Variants in NRG1 observed in about 807,000 individuals in gnomAD.
The protein encoded by NRG1 is neuregulin 1, also known as pro-neuregulin-1, membrane-bound isoform.
In NRG1, 18 loss-of-function variants were observed where a neutral mutation model predicts 63.8. The ratio of observed to expected loss-of-function variants is 0.28; its 90% CI spans 0.19 to 0.42. The LOEUF is 0.42. Among genes scored for constraint, NRG1 ranks in the 10% least tolerant of loss-of-function variants. NRG1 has a pLI of 1.00. For missense variants in NRG1, 762 were observed against 814.7 expected, an observed-to-expected ratio of 0.94 and a Z score of 0.79; for synonymous variants, 302 against 301.3, an observed-to-expected ratio of 1.00 and a Z score of -0.02.
At chr8:32,191,300 G>A (rs970716972) in intron 1 of NRG1, among the ~76,000 whole-genome samples, 7 of 152,000 alleles carry the variant, frequency 4.6e-5, no homozygotes, top group South Asian at 2.1e-4. Context: ...GGCCAGGCTC[G>A]AACTCCTAAC....
At chr8:31,958,332 T>C (rs1225547704) in intron 1 of NRG1, among the ~76,000 whole-genome samples, 3 of 152,164 alleles carry the variant, frequency 2.0e-5, no homozygotes, top group Admixed American at 2.0e-4. Context: ...AATAATCAAT[T>C]TGGGTACCAT....
intron 6 of NRG1, among the ~76,000 whole-genome samples, chr8:32,737,965 A>G (rs1825504572): frequency 1.3e-5 from 2 of 151,874 alleles, no homozygotes; most frequent in Non-Finnish European, 2.9e-5. Context: ...TAGCCACCAC[A>G]CCTGGCCTGA....
At chr8:32,382,085 C>T (rs1203736679) in intron 1 of NRG1, among the ~76,000 whole-genome samples, 3 of 152,024 alleles carry the variant, frequency 2.0e-5, no homozygotes, top group South Asian at 4.2e-4. Flanking sequence ...TAGAAGATAC[C>T]ATTCTAGAAG....
At chr8:32,303,366 G>GA (rs1251155910) in intron 1 of NRG1, among the ~76,000 whole-genome samples, 2 of 151,718 alleles carry the variant, frequency 1.3e-5, no homozygotes, top group Non-Finnish European at 2.9e-5. Context: ...AAAAAACACA[G>GA]AAAAAAAGAG....
chr8:31,977,871 G>A (rs1196564652), intron 1 of NRG1, among the ~76,000 whole-genome samples: 1 of 151,900 alleles, frequency 6.6e-6, no homozygotes, highest in Non-Finnish European at 1.5e-5. Flanking sequence ...AAATTCATAA[G>A]TCATTTGGAA....
intron 1 of NRG1, among the ~76,000 whole-genome samples, chr8:31,994,746 C>T (rs750774824): frequency 1.1e-4 from 16 of 142,912 alleles, no homozygotes; most frequent in Non-Finnish European, 2.1e-4. Context: ...TATGCTTTTA[C>T]ACAGAACCCT....
intron 1 of NRG1, among the ~76,000 whole-genome samples, chr8:31,866,170 G>T (rs573711516): frequency 6.6e-6 from 1 of 152,280 alleles, no homozygotes; most frequent in East Asian, 1.9e-4. Flanking sequence ...GGCAACTCTA[G>T]TTCTATAGGT....
intron 1 of NRG1, among the ~76,000 whole-genome samples, chr8:32,090,475 C>T (rs1472262088): frequency 6.6e-6 from 1 of 152,068 alleles, no homozygotes; most frequent in Non-Finnish European, 1.5e-5. Context: ...TGCATGCCAT[C>T]AGACCCAGCT....
chr8:32,363,358 C>G (rs1489679307), intron 1 of NRG1, among the ~76,000 whole-genome samples: 1 of 152,146 alleles, frequency 6.6e-6, no homozygotes, highest in Non-Finnish European at 1.5e-5. Flanking sequence ...ATGCATCAGT[C>G]AGTACACAGA....
intron 1 of NRG1, among the ~76,000 whole-genome samples, chr8:31,863,835 A>G (rs891642340): frequency 1.3e-5 from 2 of 152,132 alleles, no homozygotes; most frequent in African/African-American, 4.8e-5. Context: ...TAGATATTAT[A>G]CTGGGCGCTC....
intron 1 of NRG1, among the ~76,000 whole-genome samples, chr8:32,536,960 C>T (rs1483766127): frequency 1.4e-4 from 17 of 124,348 alleles, no homozygotes; most frequent in African/African-American, 4.6e-4. Context: ...TTCTGTTTGT[C>T]GGCCAGGTGC....
chr8:31,993,923 A>G (rs1038581028), intron 1 of NRG1, among the ~76,000 whole-genome samples: 2 of 152,150 alleles, frequency 1.3e-5, no homozygotes, highest in South Asian at 4.1e-4. Flanking sequence ...AAAACAAGAG[A>G]GAATTGTGAG....
At chr8:32,393,928 A>G (rs1812107038) in intron 1 of NRG1, among the ~76,000 whole-genome samples, 1 of 152,186 alleles carries the variant, frequency 6.6e-6, no homozygotes, top group African/African-American at 2.4e-5. Context: ...AGTGTTAAAT[A>G]TGATATGTCA....
chr8:31,890,363 C>T (rs142511105), intron 1 of NRG1, among the ~76,000 whole-genome samples: 169 of 152,074 alleles, frequency 1.1e-3, no homozygotes, highest in African/African-American at 3.6e-3. Flanking sequence ...AAATAACCCA[C>T]GGAATTTTAA....
chr8:31,659,530 C>T (rs1805764304), intron 1 of NRG1, among the ~76,000 whole-genome samples: 1 of 151,986 alleles, frequency 6.6e-6, no homozygotes, highest in East Asian at 1.9e-4. Context: ...TGAACCCGAC[C>T]CTCAGGAGCA....
intron 1 of NRG1, among the ~76,000 whole-genome samples, chr8:31,791,175 C>G (rs562018784): frequency 1.3e-5 from 2 of 148,494 alleles, no homozygotes; most frequent in Non-Finnish European, 3.0e-5. Context: ...CATCACTGCA[C>G]TCCAGCTGGG....
intron 1 of NRG1, among the ~76,000 whole-genome samples, chr8:31,763,860 G>T (rs1275574804): frequency 6.6e-6 from 1 of 152,088 alleles, no homozygotes; most frequent in Non-Finnish European, 1.5e-5. Flanking sequence ...TGAGGCAGGA[G>T]AATGGCGTGA....
chr8:32,261,859 T>C (rs1850415493), intron 1 of NRG1, among the ~76,000 whole-genome samples: 1 of 152,208 alleles, frequency 6.6e-6, no homozygotes, highest in Non-Finnish European at 1.5e-5. Context: ...CCTTGCAGAA[T>C]ATTCTTTCCT....
At chr8:32,324,783 C>G (rs545140222) in intron 1 of NRG1, among the ~76,000 whole-genome samples, 2 of 152,248 alleles carry the variant, frequency 1.3e-5, no homozygotes, top group Admixed American at 6.5e-5. Flanking sequence ...TTTATTAAAA[C>G]CTTCAGGATA....
Sources: gnomAD v4.1 joint callset for allele counts (sites outside exome capture counted in the v4.1 genomes callset) on GRCh38, gnomAD v4.1.1 for gene constraint, MANE v1.5 for transcripts, NCBI Gene and HGNC (gene_info 2026-07-23, HGNC 2026-07-21) for gene names.